Variants in RFX3 observed in about 807,000 individuals in gnomAD.
RFX3 encodes regulatory factor X3.
In RFX3, 14 loss-of-function variants were observed where a neutral mutation model predicts 98.6. The ratio of observed to expected loss-of-function variants is 0.14; its 90% CI spans 0.09 to 0.22. The LOEUF (loss-of-function observed/expected upper bound fraction) is 0.22. RFX3 is among the 10% of genes least tolerant of loss of function. The pLI is 1.00. For missense variants in RFX3, 639 were observed against 926.9 expected (o/e 0.69, Z 4.03); for synonymous variants, 383 against 328.4 (o/e 1.17, Z -1.80).
chr9:3,330,743 G>T (rs962991612), intron 3 of RFX3, among the ~76,000 whole-genome samples: 2 of 152,142 alleles, frequency 1.3e-5, no homozygotes, highest in Non-Finnish European at 2.9e-5. Context: ...GTACTACAGA[G>T]ATTTTGCCCT....
intron 1 of RFX3, among the ~76,000 whole-genome samples, chr9:3,405,707 C>T (rs1841897018): frequency 1.3e-5 from 2 of 152,110 alleles, no homozygotes; most frequent in South Asian, 2.1e-4. Flanking sequence ...ATTACTGAGT[C>T]TGCTTCCTAA....
chr9:3,319,444 A>G (rs1831007029), intron 4 of RFX3, among the ~76,000 whole-genome samples: 1 of 152,126 alleles, frequency 6.6e-6, no homozygotes, highest in South Asian at 2.1e-4. Flanking sequence ...CAATGGTGCC[A>G]GTTAACTCTA....
intron 1 of RFX3, among the ~76,000 whole-genome samples, chr9:3,417,078 C>T (rs1018129365): frequency 1.3e-5 from 2 of 151,480 alleles, no homozygotes; most frequent in Non-Finnish European, 2.9e-5. Flanking sequence ...AATTTCAAAG[C>T]AAGAAATATT....
At chr9:3,239,874 T>C (rs189673193) in intron 15 of RFX3, among the ~76,000 whole-genome samples, 136 of 152,302 alleles carry the variant, frequency 8.9e-4, no homozygotes, top group South Asian at 8.3e-3. Context: ...TCTGAGACCC[T>C]AGAATTCCCT....
rs201191994 is a variant in RFX3, at chr9:3,458,280, T to G, written c.-8-62684A>C. ...AGCAAGTGCTGTCTACAGAATACTATGCAGCAGTTAGGAGTAGCAATCCAG... is the reference window on the plus strand; with the variant it reads ...AGCAAGTGCTGTCTACAGAATACTAGGCAGCAGTTAGGAGTAGCAATCCAG... On this transcript the variant is annotated intron_variant, in intron 1 of 16. Transcript: ENST00000617270. 2.0e-5 allele frequency among the ~76,000 whole-genome samples: 3 copies of G among 152,196 alleles called. No homozygotes were observed. In the South Asian group the frequency reaches 6.2e-4, roughly 32 times the overall value.
chr9:3,247,560 G>GT lies in RFX3; in HGVS notation c.1968+471dup, dbSNP rs113302644. 2,150 of 1,155,456 alleles carry GT rather than the reference G, an allele frequency of 1.9e-3. 29 individuals carry two copies. In the African/African-American group the frequency reaches 0.027, roughly 14 times the overall value. The allele number at this position is 1,155,456 out of a possible 1,614,324, so 71.6% of individuals were successfully genotyped here. A position where few individuals can be genotyped will look rare whatever the true frequency, so the allele number is the denominator to read the frequency against. ...AACATAGAACTGTGCCTCGCACATA[G>GT]TAAGTGTCCAAAAAATGTTAGTTAT... On this transcript the variant is annotated intron_variant, in intron 15 of 16. Transcript: ENST00000617270.
At chr9:3,524,705 G>A (rs776115391) in intron 1 of RFX3, 12 of 800,906 alleles carry the variant, frequency 1.5e-5, no homozygotes, top group African/African-American at 1.9e-5. Context: ...CGGGGAAGGA[G>A]GATCATCAAA....
At chr9:3,258,404 G>A (rs1342903682) in intron 13 of RFX3, among the ~76,000 whole-genome samples, 1 of 151,992 alleles carries the variant, frequency 6.6e-6, no homozygotes, top group African/African-American at 2.4e-5. Flanking sequence ...CCATCTTCTA[G>A]TTCCAGTATC....
chr9:3,274,565 G>A lies in RFX3; in HGVS notation c.1086+935C>T, dbSNP rs546425184. ...TGGGATACTCAGAACGAGAGTAGGA[G>A]TAGGGCTAGAAAACACCAAAAGGAA... On this transcript the variant is annotated intron_variant, in intron 9 of 16. Transcript: ENST00000617270. Among the ~76,000 whole-genome samples, 6 of 152,236 alleles carry A rather than the reference G, an allele frequency of 3.9e-5. No individual in the cohort carries two copies. The South Asian group carries it at 6.2e-4, about 16-fold the overall frequency.
chr9:3,317,521 G>T (rs1379787228), intron 4 of RFX3, among the ~76,000 whole-genome samples: 2 of 152,156 alleles, frequency 1.3e-5, no homozygotes, highest in Non-Finnish European at 2.9e-5. Flanking sequence ...TGACAAATGG[G>T]TTCTAATAAA....
At chr9:3,260,957 A>T (rs905327608) in intron 13 of RFX3, among the ~76,000 whole-genome samples, 3 of 151,222 alleles carry the variant, frequency 2.0e-5, no homozygotes, top group Non-Finnish European at 4.4e-5. Context: ...AGTCCATGAA[A>T]GTCTCAATGA....
At chr9:3,525,593 G>C (rs1330328070) in intron 1 of RFX3, among the ~76,000 whole-genome samples, 154 bp downstream of exon 1, 5 of 152,002 alleles carry the variant, frequency 3.3e-5, no homozygotes, top group East Asian at 1.9e-4. Flanking sequence ...AGAGCCCCTC[G>C]GCGGCGGCGC....
At chr9:3,298,913 C>A (rs910017267) in intron 5 of RFX3, among the ~76,000 whole-genome samples, 1 of 151,706 alleles carries the variant, frequency 6.6e-6, no homozygotes, top group African/African-American at 2.4e-5. Context: ...ATGATTAACA[C>A]CTCTCCTTAG....
At chr9:3,429,650 C>G (rs1293952201) in intron 1 of RFX3, among the ~76,000 whole-genome samples, 2 of 152,132 alleles carry the variant, frequency 1.3e-5, no homozygotes, top group East Asian at 3.8e-4. Context: ...TTCTGGCTTG[C>G]CTGAACTACA....
At chr9:3,504,118 T>C (rs901992704) in intron 1 of RFX3, among the ~76,000 whole-genome samples, 4 of 135,556 alleles carry the variant, frequency 3.0e-5, no homozygotes, top group Admixed American at 7.5e-5. Context: ...TCTCTCTCTC[T>C]CCCTCTCTCT....
At chr9:3,417,989 CA>C (rs2132296435) in intron 1 of RFX3, among the ~76,000 whole-genome samples, 1 of 152,266 alleles carries the variant, frequency 6.6e-6, no homozygotes, top group South Asian at 2.1e-4. Context: ...ATAGATTCTA[CA>C]AAATAGATAT....
intron 1 of RFX3, among the ~76,000 whole-genome samples, chr9:3,494,023 T>A (rs967612271): frequency 6.6e-6 from 1 of 152,082 alleles, no homozygotes. Flanking sequence ...ACCCCCATAA[T>A]ACTGATAGTC....
At chr9:3,367,273 A>G (rs117355849) in intron 2 of RFX3, among the ~76,000 whole-genome samples, 261 of 152,232 alleles carry the variant, frequency 1.7e-3, no homozygotes, top group Middle Eastern at 3.4e-3. Flanking sequence ...TGGAGGGGCT[A>G]CAAGAGAAGT....
chr9:3,260,868 T>C (rs1439552050), intron 13 of RFX3, among the ~76,000 whole-genome samples: 2 of 149,850 alleles, frequency 1.3e-5, no homozygotes, highest in East Asian at 3.9e-4. Context: ...TATAAATAGA[T>C]ATAAATATCT....
Sources: gnomAD v4.1 joint callset for allele counts (sites outside exome capture counted in the v4.1 genomes callset) on GRCh38, gnomAD v4.1.1 for gene constraint, MANE v1.5 for transcripts, NCBI Gene and HGNC (gene_info 2026-07-23, HGNC 2026-07-21) for gene names.